The following CAMK2D variants were observed in gnomAD, a reference collection of about 807,000 sequenced individuals.
CAMK2D encodes calcium/calmodulin-dependent protein kinase type II subunit delta.
A neutral mutation model predicts 84.0 loss-of-function variants in CAMK2D; 37 were observed. That is an observed-to-expected ratio of 0.44 (90% CI 0.34 to 0.58). CAMK2D has a LOEUF of 0.58. Among genes scored for constraint, CAMK2D ranks in the 20% least tolerant of loss-of-function variants. The pLI, the probability that CAMK2D is intolerant of heterozygous loss-of-function variation, is 0.02. For synonymous variants in CAMK2D, 202 were observed against 212.5 expected (o/e 0.95, Z 0.43); for missense variants, 448 against 652.5 (o/e 0.69, Z 3.41).
intron 4 of CAMK2D, among the ~76,000 whole-genome samples, chr4:113,561,123 C>T (rs2098696512): frequency 6.6e-6 from 1 of 152,026 alleles, no homozygotes; most frequent in African/African-American, 2.4e-5. Flanking sequence ...TCTCAATTTC[C>T]CCTTATTTGA....
At chr4:113,727,646 T>C (rs1398710695) in intron 2 of CAMK2D, among the ~76,000 whole-genome samples, 1 of 152,114 alleles carries the variant, frequency 6.6e-6, no homozygotes, top group African/African-American at 2.4e-5. Context: ...GCAGTAACTA[T>C]GAAAGACAAA....
chr4:113,714,187 C>A (rs72678791), intron 2 of CAMK2D, among the ~76,000 whole-genome samples: 4,062 of 151,982 alleles, frequency 0.027, 84 homozygotes, highest in Middle Eastern at 0.058. Context: ...GTTTATGATA[C>A]CACCTTTAAG....
At chr4:113,700,324 A>G (rs1470344591) in intron 2 of CAMK2D, among the ~76,000 whole-genome samples, 4 of 152,194 alleles carry the variant, frequency 2.6e-5, no homozygotes, top group African/African-American at 9.7e-5. Flanking sequence ...GGAGGGATAA[A>G]TTCTTTCGGG....
chr4:113,486,028 G>C lies in CAMK2D; in HGVS notation c.1135+14435C>G, dbSNP rs115925598. 7.0e-3 allele frequency among the ~76,000 whole-genome samples: 1,072 copies of C among 152,206 alleles called. 8 individuals are homozygous for C. The highest frequency in any genetic ancestry group is 0.014 in the Middle Eastern group (4 of 294). ...CTTTCAGAATGACCATTGGTGAAGA[G>C]ATATGAAGAGTGAATGAACTCTCTC... On this transcript the variant is annotated intron_variant, in intron 16 of 20. Coordinates refer to ENST00000511664, the MANE Select transcript of CAMK2D (RefSeq NM_001321571.2).
In CAMK2D at chr4:113,644,066, T is replaced by C. The variant is rs111561336; in HGVS notation, c.220+17647A>G. Reference sequence around the variant, plus strand: ...TATACCTATTATTGTCAGAAGAAGTTTGTGTAATTAAGAAAGGCAAGCTCA... The same window carrying C: ...TATACCTATTATTGTCAGAAGAAGTCTGTGTAATTAAGAAAGGCAAGCTCA... On this transcript the variant is annotated intron_variant, in intron 3 of 20. Coordinates refer to ENST00000511664, the MANE Select transcript of CAMK2D (RefSeq NM_001321571.2). Among the ~76,000 whole-genome samples the C allele has an allele frequency of 7.5e-3, 1,146 of 152,274 alleles. 8 individuals are homozygous for C. The highest frequency in any genetic ancestry group is 0.014 in the Middle Eastern group (4 of 294).
Position 113,661,727 on chromosome 4 carries a change from T to C in CAMK2D, c.206A>G (p.Lys69Arg). ...TACGTTCTCACCAATATTAGGGTGC[T>C]TCAAAAGACGGCAGATTCTAGCTTC... ...EREARICRLL[K>R]HPNIVRLHDS... The change falls in exon 3 of 21, where the codon AAG becomes AGG. Residue 69 changes from lysine to arginine, a missense_variant. This residue lies in a region of CAMK2D where 46 missense variants were observed against 46.3 expected (regional missense o/e 0.99). Coordinates refer to ENST00000511664, the MANE Select transcript of CAMK2D (RefSeq NM_001321571.2). 1 of 1,491,102 alleles carries C rather than the reference T, an allele frequency of 6.7e-7. No homozygotes were observed. Among genetic ancestry groups the C allele is most frequent in the Non-Finnish European group, 9.1e-7 (1 of 1,099,466 alleles). 92.4% of individuals were successfully genotyped at this position (1,491,102 alleles called of 1,614,324 possible).
intron 4 of CAMK2D, among the ~76,000 whole-genome samples, chr4:113,599,826 G>T (rs1420920502): frequency 6.6e-6 from 1 of 152,138 alleles, no homozygotes; most frequent in Non-Finnish European, 1.5e-5. Context: ...AAGTGAAAGT[G>T]GGTCATCATA....
rs2098822637 is a variant in CAMK2D at position 113,583,960 on chromosome 4, A to G, written c.275+25192T>C. On this transcript the variant is annotated intron_variant, in intron 4 of 20. Coordinates refer to ENST00000511664, the MANE Select transcript of CAMK2D (RefSeq NM_001321571.2). ...TGCAGCCTTTAGTCTGCCTTTACAG[A>G]TCAGAAAAACCTAAACCAGTCTTCC... Among the ~76,000 whole-genome samples, 3 of 152,210 alleles carry G rather than the reference A, an allele frequency of 2.0e-5. 1 individual carries two copies. The South Asian group carries it at 6.2e-4, about 31-fold the overall frequency.
At chr4:113,698,747 G>A (rs1262230667) in intron 2 of CAMK2D, among the ~76,000 whole-genome samples, 1 of 151,956 alleles carries the variant, frequency 6.6e-6, no homozygotes, top group Non-Finnish European at 1.5e-5. Flanking sequence ...ATGACATGTT[G>A]GATGAAAGAA....
At position 113,455,786 on chromosome 4, in the gene CAMK2D, G is replaced by A. The variant is rs2097296655; in HGVS notation, c.1571C>T (p.Ser524Leu). The change falls in exon 20 of 21, where the codon TCA becomes TTA. Residue 524 changes from serine to leucine, a missense_variant. This residue lies in a region of CAMK2D where 219 missense variants were observed against 272.1 expected (regional missense o/e 0.80). Coordinates refer to ENST00000511664, the MANE Select transcript of CAMK2D (RefSeq NM_001321571.2). ...GTTTTGCCACAAAGAGGTGCCTCCT[G>A]AGAAGTTTTCTTTCCCATTTGGAAT... is the stretch of plus-strand genomic sequence containing the variant. The part of the protein sequence containing the change: ...PCIPNGKENF[S>L]GGTSLWQNI The A allele has an allele frequency of 6.2e-7, 1 of 1,612,400 alleles. No individual in the cohort carries two copies. Among genetic ancestry groups the A allele is most frequent in the South Asian group, 1.1e-5 (1 of 91,012 alleles).
At position 113,718,351 on chromosome 4, in the gene CAMK2D, G is replaced by A. The variant is rs543375511; in HGVS notation, c.160+40969C>T. 1.5e-3 allele frequency among the ~76,000 whole-genome samples: 235 copies of A among 152,272 alleles called. 1 individual carries two copies. The highest frequency in any genetic ancestry group is 5.5e-3 in the African/African-American group (228 of 41,548). On this transcript the variant is annotated intron_variant, in intron 2 of 20. Coordinates refer to ENST00000511664, the MANE Select transcript of CAMK2D (RefSeq NM_001321571.2). ...GTCAGGTCAGAGATGAAATCACAGG[G>A]AGTTGAAGCTGTCCTCTTGTACTGA... is the stretch of plus-strand genomic sequence containing the variant.
intron 3 of CAMK2D, among the ~76,000 whole-genome samples, chr4:113,644,273 A>G (rs2099143038): frequency 6.6e-6 from 1 of 152,246 alleles, no homozygotes; most frequent in South Asian, 2.1e-4. Flanking sequence ...AATCTGCCAA[A>G]TGAAGACAAA....
At chr4:113,671,770 G>A (rs960936106) in intron 2 of CAMK2D, among the ~76,000 whole-genome samples, 1 of 152,176 alleles carries the variant, frequency 6.6e-6, no homozygotes, top group East Asian at 1.9e-4. Context: ...ACACACCAGA[G>A]GTGGTATCAG....
chr4:113,704,496 G>A (rs1445149729), intron 2 of CAMK2D, among the ~76,000 whole-genome samples: 4 of 152,010 alleles, frequency 2.6e-5, no homozygotes, highest in Non-Finnish European at 5.9e-5. Context: ...CTAGAAACAC[G>A]TATATTGTAA....
At chr4:113,720,747 A>C (rs2099528209) in intron 2 of CAMK2D, among the ~76,000 whole-genome samples, 1 of 152,078 alleles carries the variant, frequency 6.6e-6, no homozygotes, top group East Asian at 1.9e-4. Flanking sequence ...AGCAGAACCA[A>C]GTAATCCCAG....
At chr4:113,472,783 T>C (rs1483619937) in intron 16 of CAMK2D, among the ~76,000 whole-genome samples, 1 of 152,254 alleles carries the variant, frequency 6.6e-6, no homozygotes, top group East Asian at 1.9e-4. Context: ...AGCTGTGCAA[T>C]TAAAATTGTT....
chr4:113,738,066 A>G (rs1020892786), intron 2 of CAMK2D, among the ~76,000 whole-genome samples: 3 of 152,196 alleles, frequency 2.0e-5, no homozygotes, highest in Non-Finnish European at 2.9e-5. Flanking sequence ...TCAAATCACA[A>G]TAAGTTAACC....
chr4:113,522,980 A>G (rs140605114), intron 8 of CAMK2D, among the ~76,000 whole-genome samples: 2 of 152,248 alleles, frequency 1.3e-5, no homozygotes, highest in African/African-American at 4.8e-5. Context: ...TGGGTCCCTC[A>G]TGAACAGGAA....
Position 113,713,916 on chromosome 4 carries a change from T to G in CAMK2D, c.160+45404A>C, listed in dbSNP as rs185960568. 2.6e-3 allele frequency among the ~76,000 whole-genome samples: 388 copies of G among 152,040 alleles called. 3 individuals are homozygous for G. The highest frequency in any genetic ancestry group is 8.1e-3 in the African/African-American group (338 of 41,548). The stretch of plus-strand genomic sequence containing the variant: ...GGGGGTGCATTTATTTGGTTTTTTT[T>G]GTATCTTAATGTGGTAAGTTCTATT... On this transcript the variant is annotated intron_variant, in intron 2 of 20. Coordinates refer to ENST00000511664, the MANE Select transcript of CAMK2D (RefSeq NM_001321571.2).
Sources: allele counts gnomAD v4.1 joint callset (sites outside exome capture counted in the v4.1 genomes callset), GRCh38; gene constraint gnomAD v4.1.1; regional missense constraint gnomAD v4.1.1; transcripts MANE v1.5; gene names NCBI Gene and HGNC (gene_info 2026-07-23, HGNC 2026-07-21).